FBXW12: variants seen among roughly 807,000 people sequenced by gnomAD.
The protein encoded by FBXW12 is F-box/WD repeat-containing protein 12.
A neutral mutation model predicts 55.3 loss-of-function variants in FBXW12; 43 were observed. The ratio of observed to expected loss-of-function variants is 0.78; its 90% CI spans 0.61 to 1.00. The LOEUF (loss-of-function observed/expected upper bound fraction) is 1.00. Ranked by LOEUF, FBXW12 falls within the 50% of genes least tolerant of loss-of-function variation. FBXW12 has a pLI of 0.00. For synonymous variants in FBXW12, 184 were observed against 203.8 expected (o/e 0.90, Z 0.83); for missense variants, 524 against 560.5 (o/e 0.93, Z 0.66).
intron 10 of FBXW12, among the ~76,000 whole-genome samples, chr3:48,393,872 G>A (rs554850972): frequency 2.7e-5 from 4 of 148,850 alleles, no homozygotes; most frequent in African/African-American, 7.4e-5. Flanking sequence ...TCCGCCTCCC[G>A]GGTTCAAGCA....
In FBXW12 at chr3:48,372,252, A is replaced by G; in HGVS notation, c.-153A>G. ...CCTCCACTGCAAAGTTAAATGCGAG[A>G]AGGTAGAAACCCAGAGGCCATGCTG... is the stretch of plus-strand genomic sequence containing the variant. On this transcript the variant is annotated 5_prime_UTR_variant, in exon 1 of 11. Coordinates refer to ENST00000296438, the MANE Select transcript of FBXW12 (RefSeq NM_207102.2). The G allele has an allele frequency of 6.4e-7, 1 of 1,551,760 alleles. No individual in the cohort carries two copies. Among genetic ancestry groups the G allele is most frequent in the Non-Finnish European group, 8.7e-7 (1 of 1,146,850 alleles).
At chr3:48,391,269 C>A (rs1195009411) in intron 10 of FBXW12, among the ~76,000 whole-genome samples, 1 of 150,156 alleles carries the variant, frequency 6.7e-6, no homozygotes, top group African/African-American at 2.5e-5. Flanking sequence ...AGTGACACAA[C>A]AAGACCCTCT....
chr3:48,374,249 A>G (rs1470711293), intron 4 of FBXW12, among the ~76,000 whole-genome samples: 3 of 151,692 alleles, frequency 2.0e-5, no homozygotes, highest in Non-Finnish European at 4.4e-5. Context: ...TGCAGCCTCA[A>G]CCTCCTGGGC....
At chr3:48,381,626 A>G in intron 8 of FBXW12, 74 bp from the exon 9 acceptor site, 1 of 1,440,938 alleles carries the variant, frequency 6.9e-7, no homozygotes, top group South Asian at 1.6e-5. Context: ...GTGTGAGGAT[A>G]TTATTATTCA....
intron 3 of FBXW12, 88 bp from the exon 4 acceptor site, chr3:48,373,460 G>C: frequency 6.2e-7 from 1 of 1,605,056 alleles, no homozygotes; most frequent in South Asian, 1.1e-5. Flanking sequence ...AGGAAAGTTA[G>C]TGTGAGTAGG....
At chr3:48,383,487 G>A (rs1411768515) in intron 10 of FBXW12, among the ~76,000 whole-genome samples, 3 of 152,122 alleles carry the variant, frequency 2.0e-5, no homozygotes, top group East Asian at 1.9e-4. Flanking sequence ...TGGAATACAC[G>A]TCTTTTATCA....
At chr3:48,378,683 T>C (rs1231568218) in intron 6 of FBXW12, among the ~76,000 whole-genome samples, 157 bp downstream of exon 6, 1 of 151,170 alleles carries the variant, frequency 6.6e-6, no homozygotes, top group African/African-American at 2.4e-5. Context: ...GGTGCAATCT[T>C]GGCTCACTGC....
chr3:48,374,977 G>A (rs952354464), intron 4 of FBXW12, among the ~76,000 whole-genome samples: 3 of 151,842 alleles, frequency 2.0e-5, no homozygotes, highest in Admixed American at 6.6e-5. Flanking sequence ...TGGCCAGGCC[G>A]GTCTAGAACT....
At chr3:48,390,738 G>A (rs905704884) in intron 10 of FBXW12, among the ~76,000 whole-genome samples, 16 of 152,034 alleles carry the variant, frequency 1.1e-4, no homozygotes, top group Admixed American at 9.8e-4. Context: ...GCAGTGTTTT[G>A]TAGTTCTCCT....
intron 10 of FBXW12, among the ~76,000 whole-genome samples, chr3:48,387,387 A>AC (rs1407981799): frequency 4.7e-5 from 7 of 148,884 alleles, no homozygotes; most frequent in Non-Finnish European, 8.9e-5. Flanking sequence ...GGTCAGCCTT[A>AC]CTAGAGGCTT....
At chr3:48,390,228 A>C (rs944715807) in intron 10 of FBXW12, among the ~76,000 whole-genome samples, 3 of 152,064 alleles carry the variant, frequency 2.0e-5, no homozygotes, top group African/African-American at 7.2e-5. Context: ...ATACCATATA[A>C]ATTTTAGAAT....
chr3:48,393,657 CT>C (rs1317585729), intron 10 of FBXW12, among the ~76,000 whole-genome samples: 23 of 152,172 alleles, frequency 1.5e-4, no homozygotes, highest in African/African-American at 5.5e-4. Context: ...GGCACAATGG[CT>C]CACGCCTGTA....
In FBXW12 at chr3:48,394,494, A is replaced by G. The variant is rs908560497; in HGVS notation, c.1296-66A>G. ...TGATATCTTAGTCAAGTTCTAAGTCAGTATTAACAATGGATGTACCTACTT... is the reference window on the plus strand; with the variant it reads ...TGATATCTTAGTCAAGTTCTAAGTCGGTATTAACAATGGATGTACCTACTT... On this transcript the variant is annotated intron_variant, in intron 10 of 10. Transcript: ENST00000296438. 5 of 869,688 alleles carry G rather than the reference A, an allele frequency of 5.7e-6. No individual in the cohort carries two copies. In the African/African-American group the frequency reaches 8.5e-5, roughly 15 times the overall value. The allele number at this position is 869,688 out of a possible 1,614,324, so 53.9% of individuals were successfully genotyped here. A position where few individuals can be genotyped will look rare whatever the true frequency, so the allele number is the denominator to read the frequency against.
chr3:48,390,406 C>CTTTTT (rs71625870), intron 10 of FBXW12, among the ~76,000 whole-genome samples: 3 of 57,928 alleles, frequency 5.2e-5, no homozygotes, highest in African/African-American at 7.6e-5. Context: ...AGGATTTCCT[C>CTTTTT]TTTTTTTTTT....
chr3:48,394,484 G>A, intron 10 of FBXW12, 76 bp from the exon 11 acceptor site: 1 of 838,162 alleles, frequency 1.2e-6, no homozygotes, highest in Non-Finnish European at 2.0e-6. Flanking sequence ...TCTTAGTCAA[G>A]TTCTAAGTCA....
intron 7 of FBXW12, 101 bp downstream of exon 7, chr3:48,379,659 C>T: frequency 1.1e-6 from 1 of 938,826 alleles, no homozygotes. Context: ...CACACTGCTC[C>T]TTCCTCTCTA....
At chr3:48,373,437 G>A (rs1213225979) in intron 3 of FBXW12, 92 bp downstream of exon 3, 21 of 1,610,406 alleles carry the variant, frequency 1.3e-5, no homozygotes, top group Non-Finnish European at 1.7e-6. Flanking sequence ...TGGCTGTGTT[G>A]TGAGATATAC....
Position 48,380,756 on chromosome 3 carries a change from A to G in FBXW12, c.829A>G (p.Thr277Ala), listed in dbSNP as rs755797725. 2 of 1,614,080 alleles carry G rather than the reference A, an allele frequency of 1.2e-6. No homozygotes were observed. The highest frequency in any genetic ancestry group is 1.7e-6 in the Non-Finnish European group (2 of 1,179,970). The change falls in exon 8 of 11, where the codon ACC (threonine) becomes GCC (alanine). Residue 277 changes from threonine (T) to alanine (A), a missense_variant. Transcript: ENST00000296438. ...RPSEGSVPLS[T>A]FLPHKLCASA... ...ATCAGAAGGCAGTGTTCCTCTGTCT[A>G]CCTTTCTCCCACATAAATTATGTGC...
intron 10 of FBXW12, among the ~76,000 whole-genome samples, chr3:48,391,351 CACACAT>C (rs2036925919): frequency 7.0e-6 from 1 of 143,090 alleles, no homozygotes. Context: ...CACACACACA[CACACAT>C]ATATATATAA....
Sources: gnomAD v4.1 joint callset for allele counts (sites outside exome capture counted in the v4.1 genomes callset) on GRCh38, gnomAD v4.1.1 for gene constraint, MANE v1.5 for transcripts, NCBI Gene and HGNC (gene_info 2026-07-23, HGNC 2026-07-21) for gene names.